ARHGAP31: variants seen among roughly 807,000 people sequenced by gnomAD.
ARHGAP31 encodes rho GTPase-activating protein 31.
Under a neutral mutation model 113.9 loss-of-function variants are expected in ARHGAP31, and 34 were observed. The ratio of observed to expected loss-of-function variants is 0.30; its 90% CI spans 0.23 to 0.40. The LOEUF (loss-of-function observed/expected upper bound fraction) is 0.40, where lower values mean the gene tolerates loss of function less well. Ranked by LOEUF, ARHGAP31 falls within the 10% of genes least tolerant of loss-of-function variation. The probability of loss-of-function intolerance (pLI) is 1.00; values close to 1 mark genes in which losing one functional copy is unlikely to be tolerated. For synonymous variants in ARHGAP31, 650 were observed against 684.8 expected (o/e 0.95, Z 0.79); for missense variants, 1,548 against 1,767.1 (o/e 0.88, Z 2.22).
intron 1 of ARHGAP31, among the ~76,000 whole-genome samples, chr3:119,364,864 G>A (rs372289727): frequency 5.3e-5 from 8 of 152,288 alleles, no homozygotes; most frequent in African/African-American, 1.4e-4. Context: ...AGGCCAAGGC[G>A]GGTGGATCAC....
At chr3:119,345,869 AC>A (rs1265651903) in intron 1 of ARHGAP31, among the ~76,000 whole-genome samples, 2 of 152,136 alleles carry the variant, frequency 1.3e-5, no homozygotes, top group Non-Finnish European at 2.9e-5. Flanking sequence ...AAAAGGTGAC[AC>A]CTATTCTAGA....
intron 3 of ARHGAP31, among the ~76,000 whole-genome samples, chr3:119,376,476 T>TGGCCTCC (rs2080349897): frequency 1.3e-5 from 2 of 152,300 alleles, no homozygotes; most frequent in Non-Finnish European, 2.9e-5. Context: ...CCTTGCTCCA[T>TGGCCTCC]ACAGGCCACA....
chr3:119,395,007 T>C (rs2080536996), intron 8 of ARHGAP31, among the ~76,000 whole-genome samples: 1 of 152,204 alleles, frequency 6.6e-6, no homozygotes, highest in Non-Finnish European at 1.5e-5. Context: ...GGTAGATAAA[T>C]ATCAATATAG....
At position 119,381,985 on chromosome 3, in the gene ARHGAP31, CAAAA is replaced by C. The variant is rs10719267; in HGVS notation, c.432-287_432-284del. ...TGGGCGACAGAGCGAGACTCCGTCT[CAAAA>C]AAAAAAAAAAAAAAAAAAAGCCTTC... On this transcript the variant is annotated intron_variant, in intron 4 of 11. Transcript: ENST00000264245. Among the ~76,000 whole-genome samples the C allele has an allele frequency of 0.12, 7,703 of 61,778 alleles. 121 individuals carry two copies. Among genetic ancestry groups the C allele is most frequent in the Non-Finnish European group, 0.14 (4,403 of 30,436 alleles). 40.5% of individuals were successfully genotyped at this position (61,778 alleles called of 152,430 possible).
chr3:119,374,541 T>C (rs2080330848), intron 3 of ARHGAP31, among the ~76,000 whole-genome samples: 1 of 152,226 alleles, frequency 6.6e-6, no homozygotes, highest in Non-Finnish European at 1.5e-5. Context: ...TCTCCACATG[T>C]TGAGGGAGGG....
intron 1 of ARHGAP31, among the ~76,000 whole-genome samples, chr3:119,352,398 C>T (rs2080117172): frequency 6.6e-6 from 1 of 152,180 alleles, no homozygotes; most frequent in African/African-American, 2.4e-5. Context: ...CAGACACTTT[C>T]ATCACTCTCA....
intron 6 of ARHGAP31, 91 bp from the exon 7 acceptor site, chr3:119,390,694 G>A: frequency 7.1e-7 from 1 of 1,402,626 alleles, no homozygotes; most frequent in Non-Finnish European, 9.9e-7. Flanking sequence ...CCCATCATAG[G>A]ATCAAGAATG....
intron 5 of ARHGAP31, 27 bp from the exon 6 acceptor site, chr3:119,383,057 A>G (rs1297749884): frequency 6.2e-7 from 1 of 1,613,730 alleles, no homozygotes; most frequent in African/African-American, 1.3e-5. Context: ...AAACTCACTA[A>G]CTGAATATGT....
At chr3:119,335,737 A>AGTT (rs2079939615) in intron 1 of ARHGAP31, among the ~76,000 whole-genome samples, 1 of 152,072 alleles carries the variant, frequency 6.6e-6, no homozygotes, top group Non-Finnish European at 1.5e-5. Flanking sequence ...AGCTGTCAGG[A>AGTT]GTTGTTCTGG....
intron 4 of ARHGAP31, 101 bp downstream of exon 4, chr3:119,381,087 C>G: frequency 1.7e-6 from 2 of 1,168,082 alleles, no homozygotes; most frequent in Non-Finnish European, 2.5e-6. Flanking sequence ...TGGACAGTAG[C>G]AAGTTTAGGC....
chr3:119,307,940 C>CAAAAAAAAA (rs71156742), intron 1 of ARHGAP31, among the ~76,000 whole-genome samples: 1,980 of 45,384 alleles, frequency 0.044, 477 homozygotes, highest in Admixed American at 0.14. Context: ...GAATTAACAG[C>CAAAAAAAAA]AAAAAAAAAA....
chr3:119,298,332 A>T (rs1224705392), intron 1 of ARHGAP31, among the ~76,000 whole-genome samples: 1 of 152,226 alleles, frequency 6.6e-6, no homozygotes, highest in Non-Finnish European at 1.5e-5. Flanking sequence ...TTGACCACTG[A>T]ATAAGAAGGC....
chr3:119,346,767 T>A (rs188199950), intron 1 of ARHGAP31, among the ~76,000 whole-genome samples: 147 of 152,208 alleles, frequency 9.7e-4, no homozygotes, highest in African/African-American at 3.4e-3. Context: ...AAAAAGGAAA[T>A]CTTAATCACT....
chr3:119,325,535 T>C (rs1260733363), intron 1 of ARHGAP31, among the ~76,000 whole-genome samples: 1 of 152,114 alleles, frequency 6.6e-6, no homozygotes. Context: ...CAGTCCTGTA[T>C]TCTGGGAAGG....
intron 1 of ARHGAP31, among the ~76,000 whole-genome samples, chr3:119,343,535 C>T (rs1238167734): frequency 1.3e-5 from 2 of 152,212 alleles, no homozygotes; most frequent in Non-Finnish European, 2.9e-5. Flanking sequence ...ATCCTGGCAT[C>T]TTCCTCTTCG....
intron 1 of ARHGAP31, among the ~76,000 whole-genome samples, chr3:119,329,664 C>T (rs780739546): frequency 1.3e-5 from 2 of 152,250 alleles, no homozygotes; most frequent in African/African-American, 4.8e-5. Context: ...CTTCCCACCC[C>T]CAGCCAGCTG....
chr3:119,363,120 CA>C (rs1286509458), intron 1 of ARHGAP31, among the ~76,000 whole-genome samples: 1 of 152,040 alleles, frequency 6.6e-6, no homozygotes, highest in East Asian at 2.0e-4. Flanking sequence ...TCTGCACTCT[CA>C]ACCATAGACT....
intron 3 of ARHGAP31, among the ~76,000 whole-genome samples, chr3:119,375,158 C>A (rs1308869488): frequency 6.6e-6 from 1 of 152,176 alleles, no homozygotes; most frequent in Non-Finnish European, 1.5e-5. Flanking sequence ...GCTGCTGTAA[C>A]TAATTGCCAT....
At position 119,409,554 on chromosome 3, in the gene ARHGAP31, G is replaced by T. The variant is rs527842114; in HGVS notation, c.1704G>T (p.Gly568=). ...EDAKAVPEAP[G]TVECSKGLSQ... is the part of the protein sequence containing the mutation. ...CCAAGGCAGTACCTGAAGCACCGGG[G>T]ACAGTGGAATGCAGCAAAGGCCTGT... The change falls in exon 11 of 12, where the codon GGG becomes GGT. Residue 568 remains glycine, a synonymous_variant. Coordinates refer to ENST00000264245, the MANE Select transcript of ARHGAP31 (RefSeq NM_020754.4). The T allele has an allele frequency of 6.2e-7, 1 of 1,614,236 alleles. No individual in the cohort carries two copies. The highest frequency in any genetic ancestry group is 8.5e-7 in the Non-Finnish European group (1 of 1,180,044).
Sources: gnomAD v4.1 joint callset for allele counts (sites outside exome capture counted in the v4.1 genomes callset) on GRCh38, gnomAD v4.1.1 for gene constraint, MANE v1.5 for transcripts, NCBI Gene and HGNC (gene_info 2026-07-23, HGNC 2026-07-21) for gene names.